Variants in ACBD6 observed in about 807,000 individuals in gnomAD.
The protein encoded by ACBD6 is acyl-CoA binding domain containing 6, also known as acyl-CoA-binding domain-containing protein 6.
In ACBD6, 28 loss-of-function variants were observed where a neutral mutation model predicts 37.2. The ratio of observed to expected loss-of-function variants is 0.75; its 90% CI spans 0.56 to 1.03. The LOEUF (loss-of-function observed/expected upper bound fraction) is 1.03. Ranked by LOEUF, ACBD6 falls within the 50% of genes least tolerant of loss-of-function variation. ACBD6 has a pLI of 0.00. For missense variants in ACBD6, 340 were observed against 337.4 expected, an observed-to-expected ratio of 1.01 and a Z score of -0.06; for synonymous variants, 113 against 126.8, an observed-to-expected ratio of 0.89 and a Z score of 0.73.
chr1:180,500,620 G>GGA (rs1342580957), intron 1 of ACBD6, among the ~76,000 whole-genome samples: 1 of 151,474 alleles, frequency 6.6e-6, no homozygotes, highest in Non-Finnish European at 1.5e-5. Context: ...CTTGAACCGG[G>GGA]GAGGTAGAGG....
At chr1:180,446,106 T>A (rs536690471) in intron 3 of ACBD6, among the ~76,000 whole-genome samples, 1 of 151,804 alleles carries the variant, frequency 6.6e-6, no homozygotes, top group Non-Finnish European at 1.5e-5. Context: ...GCTCAAGGGA[T>A]CTCCTCCCAC....
chr1:180,434,314 A>G (rs751464599), intron 3 of ACBD6, among the ~76,000 whole-genome samples: 1 of 152,224 alleles, frequency 6.6e-6, no homozygotes, highest in Non-Finnish European at 1.5e-5. Context: ...CCTGGAAGAA[A>G]TCAAAATATC....
chr1:180,333,536 G>A (rs1651571070), intron 6 of ACBD6, among the ~76,000 whole-genome samples: 1 of 152,212 alleles, frequency 6.6e-6, no homozygotes, highest in African/African-American at 2.4e-5. Context: ...CTGCAAGGAT[G>A]TTCATGGCTT....
chr1:180,346,624 T>C (rs1041115688), intron 6 of ACBD6, among the ~76,000 whole-genome samples: 1 of 152,162 alleles, frequency 6.6e-6, no homozygotes, highest in African/African-American at 2.4e-5. Context: ...TGAAGACTTA[T>C]GAAGCCTTGA....
intron 6 of ACBD6, among the ~76,000 whole-genome samples, chr1:180,330,885 C>G (rs1651456414): frequency 6.6e-6 from 1 of 152,124 alleles, no homozygotes; most frequent in African/African-American, 2.4e-5. Context: ...TCTAATCATT[C>G]AGACTCACAA....
rs527734472 is a variant in ACBD6, at chr1:180,502,397, G to A, written c.-131C>T. Reference sequence around the variant, plus strand: ...TCCAGTCGGACCCAAGCTCAGTCGCGGCGCGCTCCCTCACGTGACCCTGCT... The same window carrying A: ...TCCAGTCGGACCCAAGCTCAGTCGCAGCGCGCTCCCTCACGTGACCCTGCT... On this transcript the variant is annotated 5_prime_UTR_variant, in exon 1 of 8. Coordinates refer to ENST00000367595, the MANE Select transcript of ACBD6 (RefSeq NM_032360.4). The A allele has an allele frequency of 4.0e-6, 4 of 1,009,942 alleles. No individual in the cohort carries two copies. Among genetic ancestry groups the A allele is most frequent in the East Asian group, 2.6e-5 (1 of 38,566 alleles). 62.6% of individuals were successfully genotyped at this position (1,009,942 alleles called of 1,614,324 possible).
chr1:180,346,234 G>C (rs1291398953), intron 6 of ACBD6, among the ~76,000 whole-genome samples: 1 of 152,200 alleles, frequency 6.6e-6, no homozygotes, highest in East Asian at 1.9e-4. Flanking sequence ...AACATAAATA[G>C]AAGATTTAGG....
intron 3 of ACBD6, among the ~76,000 whole-genome samples, chr1:180,442,635 T>C (rs1482314847): frequency 6.6e-6 from 1 of 152,240 alleles, no homozygotes; most frequent in Non-Finnish European, 1.5e-5. Flanking sequence ...TCATTGAAGT[T>C]CTGTTCTTTT....
intron 6 of ACBD6, among the ~76,000 whole-genome samples, chr1:180,342,105 A>T (rs2149306721): frequency 6.6e-6 from 1 of 152,240 alleles, no homozygotes; most frequent in East Asian, 1.9e-4. Context: ...GAGATTTTTG[A>T]TCTTTCAATT....
intron 6 of ACBD6, among the ~76,000 whole-genome samples, chr1:180,348,647 T>C (rs1268101331): frequency 6.6e-6 from 1 of 152,222 alleles, no homozygotes; most frequent in Non-Finnish European, 1.5e-5. Context: ...CTGAAGTGTC[T>C]GAATAAGGAT....
At chr1:180,295,515 A>G (rs1558237642) in intron 7 of ACBD6, among the ~76,000 whole-genome samples, 1 of 150,362 alleles carries the variant, frequency 6.7e-6, no homozygotes, top group African/African-American at 2.5e-5. Flanking sequence ...CAGATAATGC[A>G]TTTTTTTTTT....
chr1:180,313,589 T>A (rs1474270145), intron 7 of ACBD6, among the ~76,000 whole-genome samples: 1 of 152,242 alleles, frequency 6.6e-6, no homozygotes, highest in Non-Finnish European at 1.5e-5. Flanking sequence ...TGTTACTGAA[T>A]CGCAGTCTAA....
chr1:180,289,620 G>A (rs1649623266), intron 7 of ACBD6, among the ~76,000 whole-genome samples: 1 of 152,186 alleles, frequency 6.6e-6, no homozygotes, highest in African/African-American at 2.4e-5. Flanking sequence ...TTCTCCAGGA[G>A]ATATTTGCAA....
intron 6 of ACBD6, among the ~76,000 whole-genome samples, chr1:180,322,489 C>T (rs1651110285): frequency 6.6e-6 from 1 of 151,966 alleles, no homozygotes; most frequent in Admixed American, 6.6e-5. Context: ...AGGTCCTAGC[C>T]TTTTCTTTAC....
rs138621253 is a variant in ACBD6 at position 180,377,963 on chromosome 1, A to G, written c.663+19553T>C. ...ACTCTGTCTCAAAATAATAATAATAATAATAATAATAATAATAATAGCCAT... is the reference window on the plus strand; with the variant it reads ...ACTCTGTCTCAAAATAATAATAATAGTAATAATAATAATAATAATAGCCAT... On this transcript the variant is annotated intron_variant, in intron 6 of 7. Transcript: ENST00000367595. Among the ~76,000 whole-genome samples, 1,075 of 149,310 alleles carry G rather than the reference A, an allele frequency of 7.2e-3. 13 individuals are homozygous for G. The highest frequency in any genetic ancestry group is 0.025 in the African/African-American group (1,029 of 40,922).
intron 6 of ACBD6, among the ~76,000 whole-genome samples, chr1:180,356,593 T>C (rs541276469): frequency 6.6e-6 from 1 of 151,276 alleles, no homozygotes; most frequent in East Asian, 2.0e-4. Flanking sequence ...CCGCCTGTAA[T>C]CCCAGCACTT....
At chr1:180,395,751 C>T (rs1654237918) in intron 6 of ACBD6, among the ~76,000 whole-genome samples, 1 of 152,032 alleles carries the variant, frequency 6.6e-6, no homozygotes, top group Non-Finnish European at 1.5e-5. Context: ...GGCAATTCCT[C>T]AAAAAATTAA....
chr1:180,280,359 T>TA (rs59479521), intron 9 of ACBD6, among the ~76,000 whole-genome samples: 41,316 of 149,952 alleles, frequency 0.28, 5,747 homozygotes, highest in East Asian at 0.45. Flanking sequence ...AGAGAAAACT[T>TA]AAAAAAAAAA....
chr1:180,371,802 T>C (rs572286274), intron 6 of ACBD6, among the ~76,000 whole-genome samples: 1 of 152,276 alleles, frequency 6.6e-6, no homozygotes, highest in East Asian at 1.9e-4. Context: ...TATGGAAGAC[T>C]AATCTGTCAC....
Sources: gnomAD v4.1 joint callset for allele counts (sites outside exome capture counted in the v4.1 genomes callset) on GRCh38, gnomAD v4.1.1 for gene constraint, MANE v1.5 for transcripts, NCBI Gene and HGNC (gene_info 2026-07-23, HGNC 2026-07-21) for gene names.